The following PRIM2 variants were observed in gnomAD, a reference collection of about 807,000 sequenced individuals.
The protein encoded by PRIM2 is DNA primase large subunit.
In PRIM2, 39 loss-of-function variants were observed where a neutral mutation model predicts 67.3. The observed-to-expected ratio is 0.58, with a 90% CI of 0.45 to 0.76. The LOEUF is 0.76. Among genes scored for constraint, PRIM2 ranks in the 30% least tolerant of loss-of-function variants. The pLI, the probability that PRIM2 is intolerant of heterozygous loss-of-function variation, is 0.00. For missense variants in PRIM2, 398 were observed against 598.7 expected (o/e 0.66, Z 3.50); for synonymous variants, 143 against 198.7 (o/e 0.72, Z 2.36).
chr6:57,510,342 T>G, intron 8 of PRIM2, among the ~76,000 whole-genome samples: 2 of 152,288 alleles, frequency 1.3e-5, no homozygotes, highest in South Asian at 4.2e-4. Context: ...CTGTCAAAAT[T>G]TTTTTCCTAG....
intron 5 of PRIM2, among the ~76,000 whole-genome samples, chr6:57,331,285 A>G (rs569811736): frequency 1.3e-5 from 2 of 152,074 alleles, no homozygotes; most frequent in East Asian, 3.9e-4. Flanking sequence ...CATGTTATAT[A>G]ATCTTTTAAT....
At chr6:57,463,180 T>C (rs1350739148) in intron 7 of PRIM2, among the ~76,000 whole-genome samples, 2 of 152,236 alleles carry the variant, frequency 1.3e-5, no homozygotes, top group Admixed American at 1.3e-4. Flanking sequence ...ACTACCAGCA[T>C]GTGATATCCA....
the PRIM2 span, among the ~76,000 whole-genome samples, chr6:57,244,299 G>A: frequency 6.6e-6 from 1 of 152,134 alleles, no homozygotes; most frequent in South Asian, 2.1e-4. Flanking sequence ...ACCAAAGGCT[G>A]TATCTCCCAG....
chr6:57,424,696 T>G (rs1389606337), intron 7 of PRIM2, among the ~76,000 whole-genome samples: 2 of 152,186 alleles, frequency 1.3e-5, no homozygotes, highest in African/African-American at 2.4e-5. Flanking sequence ...GAAGAATACA[T>G]TAAAAAGACA....
chr6:57,281,624 A>G, the PRIM2 span, among the ~76,000 whole-genome samples: 1 of 152,278 alleles, frequency 6.6e-6, no homozygotes, highest in South Asian at 2.1e-4. Context: ...GTACTTGAAT[A>G]AGAGCCTCCT....
Position 57,632,215 on chromosome 6 carries a change from T to G in PRIM2, c.1299+14T>G, listed in dbSNP as rs1389505278. The stretch of plus-strand genomic sequence containing the variant: ...ATGATACACAATGTAAGTATTTTTT[T>G]TAACTTTATATCCTAATTATTTGTC... On this transcript the variant is annotated intron_variant, in intron 13 of 13. Coordinates refer to ENST00000615550, the MANE Select transcript of PRIM2 (RefSeq NM_000947.5). The G allele has an allele frequency of 2.1e-4, 296 of 1,401,330 alleles. No homozygotes were observed. Among genetic ancestry groups the G allele is most frequent in the Non-Finnish European group, 2.7e-4 (279 of 1,047,052 alleles). 86.8% of individuals were successfully genotyped at this position (1,401,330 alleles called of 1,614,324 possible).
intron 5 of PRIM2, among the ~76,000 whole-genome samples, chr6:57,343,906 G>A (rs979446720): frequency 6.6e-6 from 1 of 152,140 alleles, no homozygotes; most frequent in African/African-American, 2.4e-5. Flanking sequence ...GGGTCAGGGT[G>A]GATGGAAAAT....
chr6:57,620,285 A>G (rs1458925115), intron 12 of PRIM2, among the ~76,000 whole-genome samples: 22 of 152,228 alleles, frequency 1.4e-4, no homozygotes, highest in Non-Finnish European at 2.6e-4. Flanking sequence ...GTTAAGATGA[A>G]GGAACAAATC....
At chr6:57,380,593 C>A (rs1769929174) in intron 6 of PRIM2, among the ~76,000 whole-genome samples, 1 of 152,098 alleles carries the variant, frequency 6.6e-6, no homozygotes, top group Non-Finnish European at 1.5e-5. Context: ...AGTTTAAATT[C>A]ATTTTACAAT....
chr6:57,509,260 G>T (rs1774310687), intron 8 of PRIM2, among the ~76,000 whole-genome samples: 1 of 151,764 alleles, frequency 6.6e-6, no homozygotes, highest in African/African-American at 2.4e-5. Context: ...TAATATTTCA[G>T]CAGGGACTGA....
chr6:57,567,602 C>A (rs1292835207), intron 10 of PRIM2, among the ~76,000 whole-genome samples: 1 of 152,124 alleles, frequency 6.6e-6, no homozygotes, highest in African/African-American at 2.4e-5. Context: ...GTAGGAAAAG[C>A]TATCATAAGT....
the PRIM2 span, among the ~76,000 whole-genome samples, chr6:57,229,518 C>T: frequency 1.1e-4 from 17 of 149,968 alleles, no homozygotes; most frequent in South Asian, 8.4e-4. Context: ...GACTGAATCT[C>T]GCTCTGTTGC....
intron 7 of PRIM2, among the ~76,000 whole-genome samples, chr6:57,497,873 G>A: frequency 6.6e-6 from 1 of 152,126 alleles, no homozygotes; most frequent in Non-Finnish European, 1.5e-5. Context: ...GCCTGCCAAG[G>A]GAGAACATGA....
At chr6:57,437,670 T>G (rs1282067186) in intron 7 of PRIM2, among the ~76,000 whole-genome samples, 2 of 150,790 alleles carry the variant, frequency 1.3e-5, no homozygotes, top group Non-Finnish European at 3.0e-5. Flanking sequence ...TCCTTTTTTT[T>G]TTTTTTTTTT....
At chr6:57,256,227 T>C in the PRIM2 span, among the ~76,000 whole-genome samples, 1 of 152,206 alleles carries the variant, frequency 6.6e-6, no homozygotes, top group Admixed American at 6.5e-5. Context: ...AACTTGTTTT[T>C]GGCCAAAGGT....
At chr6:57,518,498 A>G (rs1554348498) in intron 8 of PRIM2, among the ~76,000 whole-genome samples, 4 of 152,304 alleles carry the variant, frequency 2.6e-5, no homozygotes, top group South Asian at 2.1e-4. Context: ...GTGTACCACT[A>G]TCTCCCCATT....
rs1379477453 is a variant in PRIM2 at position 57,507,122 on chromosome 6, C to T, written c.694-265C>T. Among the ~76,000 whole-genome samples, 3 of 152,008 alleles carry T rather than the reference C, an allele frequency of 2.0e-5. No individual in the cohort carries two copies. The East Asian group carries it at 5.8e-4, about 29-fold the overall frequency. ...TGCTTTTTCATGAACTCAGGACACT[C>T]CCTTTTACTCTCTGTTTTGCTCACC... is the stretch of plus-strand genomic sequence containing the variant. On this transcript the variant is annotated intron_variant, in intron 7 of 13. Coordinates refer to ENST00000615550, the MANE Select transcript of PRIM2 (RefSeq NM_000947.5).
chr6:57,224,072 A>G, the PRIM2 span, among the ~76,000 whole-genome samples: 1,511 of 152,332 alleles, frequency 9.9e-3, 11 homozygotes, highest in Non-Finnish European at 0.015. Context: ...AAGCAACCCA[A>G]ATGTCCATCA....
At chr6:57,267,145 A>C in the PRIM2 span, among the ~76,000 whole-genome samples, 2 of 152,248 alleles carry the variant, frequency 1.3e-5, no homozygotes, top group African/African-American at 4.8e-5. Context: ...AATTACCTTC[A>C]TTAATTAATC....
Sources: allele counts gnomAD v4.1 joint callset (sites outside exome capture counted in the v4.1 genomes callset), GRCh38; gene constraint gnomAD v4.1.1; transcripts MANE v1.5; gene names NCBI Gene and HGNC (gene_info 2026-07-23, HGNC 2026-07-21).